The following LRRTM4 variants were observed in gnomAD, a reference collection of about 807,000 sequenced individuals.
The protein encoded by LRRTM4 is leucine rich repeat transmembrane neuronal 4.
Under a neutral mutation model 47.6 loss-of-function variants are expected in LRRTM4, and 25 were observed. The observed-to-expected ratio is 0.53, with a 90% CI of 0.38 to 0.73. The LOEUF is 0.73. Among genes scored for constraint, LRRTM4 ranks in the 30% least tolerant of loss-of-function variants. The pLI, the probability that LRRTM4 is intolerant of heterozygous loss-of-function variation, is 0.00. For missense variants in LRRTM4, 638 were observed against 713.4 expected (o/e 0.89, Z 1.20); for synonymous variants, 311 against 269.5 (o/e 1.15, Z -1.51).
At chr2:77,362,746 T>C (rs1433576281) in intron 3 of LRRTM4, among the ~76,000 whole-genome samples, 1 of 152,110 alleles carries the variant, frequency 6.6e-6, no homozygotes, top group Non-Finnish European at 1.5e-5. Flanking sequence ...CTTCCTTTCT[T>C]TTACTTTTTG....
intron 3 of LRRTM4, among the ~76,000 whole-genome samples, chr2:76,811,404 G>A (rs1307304256): frequency 2.0e-5 from 3 of 152,176 alleles, no homozygotes; most frequent in Non-Finnish European, 4.4e-5. Flanking sequence ...GAAGAGGAAA[G>A]TGTGAGCAAG....
chr2:77,081,408 A>T (rs1350449798), intron 3 of LRRTM4, among the ~76,000 whole-genome samples: 1 of 152,166 alleles, frequency 6.6e-6, no homozygotes, highest in Non-Finnish European at 1.5e-5. Context: ...TTCACATTAT[A>T]CAAATCATTT....
At chr2:76,966,697 C>T (rs1676035946) in intron 3 of LRRTM4, among the ~76,000 whole-genome samples, 1 of 151,290 alleles carries the variant, frequency 6.6e-6, no homozygotes, top group African/African-American at 2.4e-5. Context: ...ATTGGCTGTC[C>T]CAAAAATACT....
chr2:77,464,813 A>T (rs1676922979), intron 3 of LRRTM4, among the ~76,000 whole-genome samples: 1 of 152,182 alleles, frequency 6.6e-6, no homozygotes, highest in Non-Finnish European at 1.5e-5. Context: ...TCTACAAAGG[A>T]TGACAAAACC....
At position 76,803,737 on chromosome 2, in the gene LRRTM4, C is replaced by G. The variant is rs189234409; in HGVS notation, c.1552-54821G>C. Among the ~76,000 whole-genome samples, 783 of 152,298 alleles carry G rather than the reference C, an allele frequency of 5.1e-3. 3 individuals are homozygous for G. Among genetic ancestry groups the G allele is most frequent in the Admixed American group, 0.011 (173 of 15,294 alleles). ...TGCCTACAAGTTACAAGGGTTAACA[C>G]TTGGCTGGCATCTGGGAACTTGGAT... is the stretch of plus-strand genomic sequence containing the variant. On this transcript the variant is annotated intron_variant, in intron 3 of 3. Transcript: ENST00000409884.
At chr2:76,847,784 G>A (rs1054226495) in intron 3 of LRRTM4, among the ~76,000 whole-genome samples, 1 of 151,972 alleles carries the variant, frequency 6.6e-6, no homozygotes, top group African/African-American at 2.4e-5. Flanking sequence ...CATTTGTAAA[G>A]TTTCAAATTA....
chr2:77,113,027 A>C (rs59783376), intron 3 of LRRTM4, among the ~76,000 whole-genome samples: 10,098 of 152,174 alleles, frequency 0.066, 729 homozygotes, highest in East Asian at 0.19. Flanking sequence ...GACCTTGTTT[A>C]ACAGTAGGAG....
At chr2:76,836,120 G>A (rs1432063213) in intron 3 of LRRTM4, among the ~76,000 whole-genome samples, 1 of 149,186 alleles carries the variant, frequency 6.7e-6, no homozygotes, top group Non-Finnish European at 1.5e-5. Flanking sequence ...AGGTGTATTT[G>A]AAGACAGTTT....
At chr2:76,883,574 G>C (rs1018300728) in intron 3 of LRRTM4, among the ~76,000 whole-genome samples, 1 of 152,112 alleles carries the variant, frequency 6.6e-6, no homozygotes, top group Non-Finnish European at 1.5e-5. Flanking sequence ...TAGGACAGAG[G>C]AACTGGGAAG....
At chr2:77,020,526 C>A (rs1678230098) in intron 3 of LRRTM4, among the ~76,000 whole-genome samples, 1 of 152,082 alleles carries the variant, frequency 6.6e-6, no homozygotes, top group African/African-American at 2.4e-5. Flanking sequence ...CCAAATTCGA[C>A]AGAATAATCT....
chr2:77,365,826 T>C (rs1352742344), intron 3 of LRRTM4, among the ~76,000 whole-genome samples: 1 of 150,590 alleles, frequency 6.6e-6, no homozygotes, highest in East Asian at 1.9e-4. Flanking sequence ...GAAATGTGTA[T>C]ACTTAAGACT....
chr2:77,226,871 T>C (rs1224912866), intron 3 of LRRTM4, among the ~76,000 whole-genome samples: 1 of 151,998 alleles, frequency 6.6e-6, no homozygotes, highest in Non-Finnish European at 1.5e-5. Flanking sequence ...GGATGGGTTT[T>C]AGACAGAGTG....
chr2:77,283,782 T>C (rs1676571687), intron 3 of LRRTM4, among the ~76,000 whole-genome samples: 1 of 151,922 alleles, frequency 6.6e-6, no homozygotes, highest in Admixed American at 6.6e-5. Context: ...TAGATACTCA[T>C]GGACTTAACT....
chr2:77,213,977 A>G (rs1190635718), intron 3 of LRRTM4, among the ~76,000 whole-genome samples: 1 of 152,120 alleles, frequency 6.6e-6, no homozygotes, highest in Non-Finnish European at 1.5e-5. Context: ...AAGAAAAAAA[A>G]AACACTGTAT....
intron 3 of LRRTM4, among the ~76,000 whole-genome samples, chr2:76,794,838 A>C (rs1369492352): frequency 1.3e-5 from 2 of 151,652 alleles, no homozygotes; most frequent in Non-Finnish European, 3.0e-5. Context: ...AACTGACCCT[A>C]CTTATTGCCA....
chr2:77,203,121 A>G (rs1011211885), intron 3 of LRRTM4, among the ~76,000 whole-genome samples: 1 of 151,910 alleles, frequency 6.6e-6, no homozygotes, highest in Non-Finnish European at 1.5e-5. Context: ...ACATATATAC[A>G]TATGTGTGTG....
At chr2:76,902,382 T>C (rs1673668262) in intron 3 of LRRTM4, among the ~76,000 whole-genome samples, 1 of 152,238 alleles carries the variant, frequency 6.6e-6, no homozygotes, top group East Asian at 1.9e-4. Flanking sequence ...TATCCAATTA[T>C]ACTTGAAACA....
chr2:77,100,125 AGCC>A, intron 3 of LRRTM4, among the ~76,000 whole-genome samples: 1 of 152,254 alleles, frequency 6.6e-6, no homozygotes, highest in East Asian at 1.9e-4. Context: ...CCTCCTTGTC[AGCC>A]TCATTCCACT....
chr2:77,519,382 G>T lies in LRRTM4; in HGVS notation c.487C>A (p.His163Asn), dbSNP rs1360327125. The T allele has an allele frequency of 6.2e-7, 1 of 1,613,400 alleles. No individual in the cohort carries two copies. The highest frequency in any genetic ancestry group is 1.1e-5 in the South Asian group (1 of 91,060). Residue 163 changes from histidine to asparagine, a missense_variant, in exon 3 of 4, where the codon CAC (histidine) becomes AAC (asparagine). Transcript: ENST00000409884. The surrounding 1 kb of genome is among the most constrained non-coding windows in gnomAD (Gnocchi z 4.6). ...GTCTTTAGTGAGTTAGATCTCAAGT[G>T]CAAAATGATGAGTTTCCGAAGGCCT... ...FKGLRKLIIL[H>N]LRSNSLKTVP...
Sources: gnomAD v4.1 joint callset for allele counts (sites outside exome capture counted in the v4.1 genomes callset) on GRCh38, gnomAD v4.1.1 for gene constraint, Gnocchi (gnomAD v3.1) non-coding constraint, MANE v1.5 for transcripts, NCBI Gene and HGNC (gene_info 2026-07-23, HGNC 2026-07-21) for gene names.